SCNN1G: variants seen among roughly 807,000 people sequenced by gnomAD.
The protein encoded by SCNN1G is sodium channel epithelial 1 subunit gamma.
Under a neutral mutation model 64.6 loss-of-function variants are expected in SCNN1G, and 27 were observed. The observed-to-expected ratio is 0.42, with a 90% CI of 0.31 to 0.58. The LOEUF (loss-of-function observed/expected upper bound fraction) is 0.58. Ranked by LOEUF, SCNN1G falls within the 20% of genes least tolerant of loss-of-function variation. SCNN1G has a pLI of 0.18. For synonymous variants in SCNN1G, 330 were observed against 314.2 expected, an observed-to-expected ratio of 1.05 and a Z score of -0.53; for missense variants, 743 against 823.4, an observed-to-expected ratio of 0.90 and a Z score of 1.19.
chr16:23,204,334 T>TATATATATATATATATATATATAG (rs1567267153), intron 6 of SCNN1G, among the ~76,000 whole-genome samples: 1 of 15,176 alleles, frequency 6.6e-5, no homozygotes, highest in African/African-American at 2.8e-4. Flanking sequence ...TATATATATA[T>TATATATATATATATATATATATAG]AGAGAGAGAG....
At chr16:23,184,163 G>T (rs950740732) in intron 1 of SCNN1G, among the ~76,000 whole-genome samples, 3 of 151,120 alleles carry the variant, frequency 2.0e-5, no homozygotes, top group Non-Finnish European at 3.0e-5. Context: ...TATCTGTTTT[G>T]CAAAGAGCAA....
At chr16:23,184,149 A>G (rs1959566788) in intron 1 of SCNN1G, among the ~76,000 whole-genome samples, 1 of 152,136 alleles carries the variant, frequency 6.6e-6, no homozygotes, top group Non-Finnish European at 1.5e-5. Flanking sequence ...TTATATGAAT[A>G]TTTTATCTGT....
At position 23,189,415 on chromosome 16, in the gene SCNN1G, C is replaced by A. The variant is rs1959667026; in HGVS notation, c.362C>A (p.Thr121Asn). The A allele has an allele frequency of 6.2e-7, 1 of 1,614,138 alleles. No homozygotes were observed. The highest frequency in any genetic ancestry group is 2.2e-5 in the East Asian group (1 of 44,872). ...RHLLADLEQE[T>N]REALKSLYGF... is the part of the protein sequence containing the mutation. Reference sequence around the variant, plus strand: ...CTTCTAGCTGACTTGGAACAGGAGACCAGAGAGGCCCTGAAGTCCCTGTAT... The same window carrying A: ...CTTCTAGCTGACTTGGAACAGGAGAACAGAGAGGCCCTGAAGTCCCTGTAT... Residue 121 changes from threonine to asparagine, a missense_variant, in exon 3 of 13, where the codon ACC (threonine) becomes AAC (asparagine). Coordinates refer to ENST00000300061, the MANE Select transcript of SCNN1G (RefSeq NM_001039.4).
chr16:23,198,708 C>T (rs1023607491), intron 6 of SCNN1G, among the ~76,000 whole-genome samples: 2 of 151,818 alleles, frequency 1.3e-5, no homozygotes. Context: ...CATTGCACTC[C>T]AGTCTCGGTG....
intron 3 of SCNN1G, 68 bp downstream of exon 3, chr16:23,189,739 T>C: frequency 6.9e-7 from 1 of 1,454,566 alleles, no homozygotes; most frequent in Non-Finnish European, 9.7e-7. Flanking sequence ...AGGACTCTTC[T>C]CCTTGACCAC....
rs13306657 is a variant in SCNN1G, at chr16:23,185,981, C to T, written c.-44-247C>T. Among the ~76,000 whole-genome samples, 29,561 of 151,964 alleles carry T rather than the reference C, an allele frequency of 0.19. 3,407 individuals carry two copies. The highest frequency in any genetic ancestry group is 0.3 in the Admixed American group (4,553 of 15,294). On this transcript the variant is annotated intron_variant, in intron 1 of 12. Coordinates refer to ENST00000300061, the MANE Select transcript of SCNN1G (RefSeq NM_001039.4). ...CGCAGGTTGCACCTCACCCAGCCCCCGCACGGCTAGGCCTGGGGGCCGTAA... is the reference window on the plus strand; with the variant it reads ...CGCAGGTTGCACCTCACCCAGCCCCTGCACGGCTAGGCCTGGGGGCCGTAA...
At chr16:23,199,643 TTTTTC>T (rs1567265792) in intron 6 of SCNN1G, among the ~76,000 whole-genome samples, 44 of 149,972 alleles carry the variant, frequency 2.9e-4, no homozygotes, top group African/African-American at 7.9e-4. Flanking sequence ...CATAATGATG[TTTTTC>T]TTTTCTTTTC....
intron 8 of SCNN1G, 82 bp from the exon 9 acceptor site, chr16:23,212,596 G>T: frequency 9.9e-7 from 1 of 1,010,130 alleles, no homozygotes; most frequent in Non-Finnish European, 1.6e-6. Flanking sequence ...TGAGACTGCG[G>T]GGCTGTCCTT....
At chr16:23,214,189 C>T (rs557220124) in intron 11 of SCNN1G, among the ~76,000 whole-genome samples, 1 of 152,330 alleles carries the variant, frequency 6.6e-6, no homozygotes, top group African/African-American at 2.4e-5. Flanking sequence ...ATCTGCATCT[C>T]AGTTTCCACA....
At chr16:23,195,286 C>T (rs997693455) in intron 5 of SCNN1G, among the ~76,000 whole-genome samples, 6 of 152,156 alleles carry the variant, frequency 3.9e-5, no homozygotes, top group African/African-American at 4.8e-5. Flanking sequence ...AGCATTGCTA[C>T]CAGTCTACCA....
intron 2 of SCNN1G, 93 bp downstream of exon 2, chr16:23,186,681 G>T: frequency 9.1e-7 from 1 of 1,096,840 alleles, no homozygotes. Flanking sequence ...GCAGCCTGGA[G>T]GTCGATTCCA....
chr16:23,183,723 G>A (rs1335556537), intron 1 of SCNN1G, among the ~76,000 whole-genome samples: 1 of 152,234 alleles, frequency 6.6e-6, no homozygotes, highest in East Asian at 1.9e-4. Flanking sequence ...AAATCAGGTA[G>A]TGTGTGAAAA....
At chr16:23,198,089 A>C (rs1397841304) in intron 6 of SCNN1G, among the ~76,000 whole-genome samples, 1 of 152,218 alleles carries the variant, frequency 6.6e-6, no homozygotes, top group Non-Finnish European at 1.5e-5. Context: ...TAACTGTATT[A>C]AAGCCTAGTG....
At chr16:23,214,682 G>A (rs377704692) in intron 11 of SCNN1G, 30 bp from the exon 12 acceptor site, 47 of 1,569,168 alleles carry the variant, frequency 3.0e-5, no homozygotes, top group Non-Finnish European at 3.8e-5. Context: ...GGATGCCAAG[G>A]CTCTTGATTC....
rs1959719956 is a variant in SCNN1G, at chr16:23,192,218, C to T, written c.619-134C>T. 57 of 767,810 alleles carry T rather than the reference C, an allele frequency of 7.4e-5. No individual in the cohort carries two copies. The South Asian group carries it at 8.3e-4, about 11-fold the overall frequency. The allele number at this position is 767,810 out of a possible 1,614,324, so 47.6% of individuals were successfully genotyped here. ...CCAACCCCTAGAAGTGAGAGGAAAC[C>T]CATCCTTGCCCCAGATATCCAACCT... On this transcript the variant is annotated intron_variant, in intron 3 of 12. Coordinates refer to ENST00000300061, the MANE Select transcript of SCNN1G (RefSeq NM_001039.4).
intron 6 of SCNN1G, among the ~76,000 whole-genome samples, chr16:23,197,854 G>A (rs537555320): frequency 3.4e-5 from 5 of 148,828 alleles, no homozygotes; most frequent in East Asian, 4.0e-4. Flanking sequence ...CACTCCAGCC[G>A]AGCAACAGAG....
At chr16:23,210,787 T>G (rs1960066440) in intron 7 of SCNN1G, among the ~76,000 whole-genome samples, 1 of 152,114 alleles carries the variant, frequency 6.6e-6, no homozygotes, top group South Asian at 2.1e-4. Flanking sequence ...ATCCCAGCAC[T>G]TTGGGAGACA....
At chr16:23,205,831 G>T (rs946426526) in intron 6 of SCNN1G, among the ~76,000 whole-genome samples, 1 of 152,114 alleles carries the variant, frequency 6.6e-6, no homozygotes, top group Non-Finnish European at 1.5e-5. Flanking sequence ...TCCATTCTGA[G>T]AAACAGGGGT....
chr16:23,194,069 C>T, intron 4 of SCNN1G, 102 bp from the exon 5 acceptor site: 1 of 803,114 alleles, frequency 1.2e-6, no homozygotes, highest in Non-Finnish European at 2.2e-6. Flanking sequence ...ATCTCTCACA[C>T]ATTCTCCCCA....
Sources: gnomAD v4.1 joint callset for allele counts (sites outside exome capture counted in the v4.1 genomes callset) on GRCh38, gnomAD v4.1.1 for gene constraint, MANE v1.5 for transcripts, NCBI Gene and HGNC (gene_info 2026-07-23, HGNC 2026-07-21) for gene names.